The following DGKB variants were observed in gnomAD, a reference collection of about 807,000 sequenced individuals.
The protein encoded by DGKB is 90 kDa diacylglycerol kinase.
In DGKB, 67 loss-of-function variants were observed where a neutral mutation model predicts 114.3. The observed-to-expected ratio is 0.59, with a 90% CI of 0.48 to 0.72. The LOEUF (loss-of-function observed/expected upper bound fraction) is 0.72, where lower values mean the gene tolerates loss of function less well. Among genes scored for constraint, DGKB ranks in the 30% least tolerant of loss-of-function variants. DGKB has a pLI of 0.00. For missense variants in DGKB, 907 were observed against 975.2 expected (o/e 0.93, Z 0.93); for synonymous variants, 398 against 323.1 (o/e 1.23, Z -2.49).
At chr7:14,186,919 A>G (rs981991168) in intron 23 of DGKB, among the ~76,000 whole-genome samples, 6 of 152,174 alleles carry the variant, frequency 3.9e-5, no homozygotes, top group East Asian at 1.9e-4. Context: ...TAGTGAGTGT[A>G]TACTGCTCAG....
chr7:14,340,159 CTT>C (rs35208788), intron 22 of DGKB, among the ~76,000 whole-genome samples: 15,257 of 89,080 alleles, frequency 0.17, 972 homozygotes, highest in Middle Eastern at 0.25. Context: ...CTGGATGATG[CTT>C]TTTTTTTTTT....
chr7:14,825,317 G>A (rs1200613190), intron 2 of DGKB, among the ~76,000 whole-genome samples: 1 of 151,932 alleles, frequency 6.6e-6, no homozygotes, highest in East Asian at 1.9e-4. Flanking sequence ...TACGTTTATT[G>A]TGCACTTTAT....
chr7:14,485,096 C>CCACACA lies in DGKB; in HGVS notation c.1771-6877_1771-6872dup, dbSNP rs10563734. Among the ~76,000 whole-genome samples, 28 of 141,612 alleles carry CCACACA rather than the reference C, an allele frequency of 2.0e-4. No homozygotes were observed. In the South Asian group the frequency reaches 4.1e-3, roughly 21 times the overall value. The allele number at this position is 141,612 out of a possible 152,430, so 92.9% of individuals were successfully genotyped here. Reference sequence around the variant, plus strand: ...ATAATTACTGAAAGACACACACACACCACACACACACACACACACACACAC... The same window carrying CCACACA: ...ATAATTACTGAAAGACACACACACACCACACACACACACACACACACACACACACAC... On this transcript the variant is annotated intron_variant, in intron 20 of 25. Transcript: ENST00000402815.
chr7:14,877,571 GA>G (rs1345296034), intron 1 of DGKB, among the ~76,000 whole-genome samples: 1 of 152,052 alleles, frequency 6.6e-6, no homozygotes, highest in Non-Finnish European at 1.5e-5. Context: ...ACAAAAAACA[GA>G]AAGAAAAGTA....
intron 23 of DGKB, chr7:14,190,700 G>GATGA (rs1784168884): frequency 6.6e-6 from 1 of 152,064 alleles, no homozygotes; most frequent in Admixed American, 6.6e-5. Context: ...TAAAATCAAG[G>GATGA]ATGAAGTAGG....
Position 14,923,983 on chromosome 7 carries a change from C to CA in DGKB, c.-188+50712dup, listed in dbSNP as rs56032330. Among the ~76,000 whole-genome samples the CA allele has an allele frequency of 5.0e-3, 378 of 75,836 alleles. 3 individuals are homozygous for CA. The highest frequency in any genetic ancestry group is 6.4e-3 in the Non-Finnish European group (283 of 44,016). The allele number at this position is 75,836 out of a possible 152,430, so 49.8% of individuals were successfully genotyped here. The stretch of plus-strand genomic sequence containing the variant: ...TGGGCAACACAGTGAAGCTCCATCT[C>CA]AAAAAAAAAAAAAAAAAAAAAGCTT... On this transcript the variant is annotated intron_variant, in intron 1 of 4. Coordinates refer to the DGKB transcript ENST00000437998.
intron 1 of DGKB, among the ~76,000 whole-genome samples, chr7:14,845,617 G>C (rs1306050848): frequency 6.6e-6 from 1 of 151,892 alleles, no homozygotes; most frequent in Non-Finnish European, 1.5e-5. Context: ...AAGAGTGCTT[G>C]GTATATAGTC....
intron 20 of DGKB, among the ~76,000 whole-genome samples, chr7:14,505,897 A>G (rs1263899026): frequency 6.6e-6 from 1 of 152,146 alleles, no homozygotes; most frequent in Non-Finnish European, 1.5e-5. Flanking sequence ...GCAGGGCAAC[A>G]TTCTTCCATT....
intron 2 of DGKB, among the ~76,000 whole-genome samples, chr7:14,811,299 C>A (rs1274724874): frequency 6.6e-6 from 1 of 152,134 alleles, no homozygotes. Flanking sequence ...CTTCAAACTT[C>A]CAGGATCAAG....
At chr7:14,362,746 A>G (rs773113771) in intron 21 of DGKB, among the ~76,000 whole-genome samples, 1 of 152,090 alleles carries the variant, frequency 6.6e-6, no homozygotes, top group South Asian at 2.1e-4. Context: ...TTATTATATT[A>G]TTTTGTATTG....
chr7:14,590,968 C>T (rs1228324011), intron 17 of DGKB, among the ~76,000 whole-genome samples: 1 of 152,106 alleles, frequency 6.6e-6, no homozygotes, highest in Non-Finnish European at 1.5e-5. Context: ...GAGAGTTTTT[C>T]TGCATGCAAT....
intron 25 of DGKB, among the ~76,000 whole-genome samples, chr7:14,174,012 T>C (rs548730346): frequency 6.6e-6 from 1 of 152,232 alleles, no homozygotes; most frequent in Non-Finnish European, 1.5e-5. Context: ...AAAGTGCTTG[T>C]GTTAAACAAG....
intron 20 of DGKB, among the ~76,000 whole-genome samples, chr7:14,499,870 A>T (rs1785871757): frequency 6.6e-6 from 1 of 151,844 alleles, no homozygotes; most frequent in South Asian, 2.1e-4. Context: ...GAAACAAAAA[A>T]CATAAGAACT....
intron 22 of DGKB, among the ~76,000 whole-genome samples, chr7:14,341,653 T>G (rs1208945078): frequency 6.6e-6 from 1 of 151,900 alleles, no homozygotes; most frequent in African/African-American, 2.4e-5. Context: ...TAGAGGATCT[T>G]ATTCCAGAGA....
upstream of DGKB, among the ~76,000 whole-genome samples, chr7:14,905,857 C>T (rs1783677155): frequency 3.3e-5 from 5 of 152,124 alleles, no homozygotes; most frequent in Admixed American, 3.3e-4. Context: ...TCTGTGAGTG[C>T]AGGGCATTGG....
chr7:14,748,938 T>C (rs888795234), intron 4 of DGKB, among the ~76,000 whole-genome samples: 3 of 152,184 alleles, frequency 2.0e-5, no homozygotes, highest in Admixed American at 6.5e-5. Context: ...TACCTATATG[T>C]GTAAAATACT....
At chr7:14,260,643 G>T (rs947042449) in intron 23 of DGKB, among the ~76,000 whole-genome samples, 1 of 152,190 alleles carries the variant, frequency 6.6e-6, no homozygotes, top group East Asian at 1.9e-4. Flanking sequence ...ACTTTCTATC[G>T]GTATAATTAG....
rs1391833048 is a variant in DGKB at position 14,841,266 on chromosome 7, T to C, written c.-3A>G. 3 of 1,613,348 alleles carry C rather than the reference T, an allele frequency of 1.9e-6. No homozygotes were observed. Among genetic ancestry groups the C allele is most frequent in the East Asian group, 4.5e-5 (2 of 44,860 alleles). The stretch of plus-strand genomic sequence containing the variant: ...GCCCATTTTTCCTGGTTTGTCATGG[T>C]GGTGGTGAGAAGCTCTGTCACATAC... On this transcript the variant is annotated 5_prime_UTR_variant, in exon 2 of 26. Transcript: ENST00000402815.
In DGKB at chr7:14,498,802, G is replaced by A. The variant is rs186689371; in HGVS notation, c.1771-20577C>T. 2.9e-4 allele frequency among the ~76,000 whole-genome samples: 44 copies of A among 151,814 alleles called. No individual in the cohort carries two copies. In the East Asian group the frequency reaches 6.8e-3, roughly 23 times the overall value. ...TCAAAATTACCAATTACCTTATACA[G>A]CAATATAGTTTATTTACTTGCGGTA... is the stretch of plus-strand genomic sequence containing the variant. On this transcript the variant is annotated intron_variant, in intron 20 of 25. Transcript: ENST00000402815.
Sources: allele counts gnomAD v4.1 joint callset (sites outside exome capture counted in the v4.1 genomes callset), GRCh38; gene constraint gnomAD v4.1.1; transcripts MANE v1.5; gene names NCBI Gene and HGNC (gene_info 2026-07-23, HGNC 2026-07-21).